The following CSMD1 variants were observed in gnomAD, a reference collection of about 807,000 sequenced individuals.
CSMD1 encodes the protein CUB and sushi domain-containing protein 1.
Under a neutral mutation model 417.5 loss-of-function variants are expected in CSMD1, and 213 were observed. The observed-to-expected ratio is 0.51, with a 90% CI of 0.46 to 0.57. The LOEUF (loss-of-function observed/expected upper bound fraction) is 0.57. Ranked by LOEUF, CSMD1 falls within the 20% of genes least tolerant of loss-of-function variation. The pLI is 0.00. For synonymous variants in CSMD1, 2,862 were observed against 1,736.8 expected (o/e 1.65, Z -16.11); for missense variants, 6,923 against 4,529.7 (o/e 1.53, Z -15.17).
chr8:3,224,108 A>AT (rs1798361078), intron 27 of CSMD1, among the ~76,000 whole-genome samples: 1 of 152,210 alleles, frequency 6.6e-6, no homozygotes, highest in Non-Finnish European at 1.5e-5. Context: ...TTCAAAGAGA[A>AT]TTTTCAAACT....
At position 3,152,464 on chromosome 8, in the gene CSMD1, T is replaced by C. The variant is rs896631925; in HGVS notation, c.5915-951A>G. Reference sequence around the variant, plus strand: ...GCAAAATGTTTTAAACAAAATATTTTCTGGAAGCCCTCTTTTAGAGGCCCC... The same window carrying C: ...GCAAAATGTTTTAAACAAAATATTTCCTGGAAGCCCTCTTTTAGAGGCCCC... On this transcript the variant is annotated intron_variant, in intron 39 of 69. Transcript: ENST00000635120. Among the ~76,000 whole-genome samples, 4 of 152,360 alleles carry C rather than the reference T, an allele frequency of 2.6e-5. No individual in the cohort carries two copies. The Middle Eastern group carries it at 0.01, about 389-fold the overall frequency.
intron 7 of CSMD1, among the ~76,000 whole-genome samples, chr8:3,660,158 G>A (rs1798337428): frequency 6.6e-6 from 1 of 152,198 alleles, no homozygotes; most frequent in African/African-American, 2.4e-5. Context: ...CATTTGTAAT[G>A]AGAGGCTATT....
At chr8:4,024,954 G>C (rs921366846) in intron 4 of CSMD1, among the ~76,000 whole-genome samples, 1 of 152,234 alleles carries the variant, frequency 6.6e-6, no homozygotes, top group Non-Finnish European at 1.5e-5. Flanking sequence ...ATGAATCTTT[G>C]TCTGAAGTAC....
At chr8:4,583,888 G>C (rs1001601015) in intron 2 of CSMD1, among the ~76,000 whole-genome samples, 3 of 151,982 alleles carry the variant, frequency 2.0e-5, no homozygotes, top group Non-Finnish European at 4.4e-5. Context: ...AATAAATCTT[G>C]CTGCTGCTCA....
At chr8:4,651,061 T>C (rs1460497693) in intron 1 of CSMD1, among the ~76,000 whole-genome samples, 2 of 152,158 alleles carry the variant, frequency 1.3e-5, no homozygotes, top group Non-Finnish European at 2.9e-5. Context: ...ATCAAAACTT[T>C]TAGATCTAGT....
At chr8:3,334,775 A>G (rs778858335) in intron 23 of CSMD1, among the ~76,000 whole-genome samples, 12 of 152,214 alleles carry the variant, frequency 7.9e-5, no homozygotes, top group Non-Finnish European at 1.6e-4. Context: ...CAGAGTAAGT[A>G]GAGTGGGACT....
intron 6 of CSMD1, among the ~76,000 whole-genome samples, chr8:3,732,626 C>T (rs927057862): frequency 6.6e-6 from 1 of 152,112 alleles, no homozygotes; most frequent in African/African-American, 2.4e-5. Flanking sequence ...CCTTTAAGAC[C>T]TTTTTGGTTT....
intron 21 of CSMD1, among the ~76,000 whole-genome samples, chr8:3,357,672 G>C (rs1254925735): frequency 1.3e-5 from 2 of 152,102 alleles, no homozygotes; most frequent in South Asian, 2.1e-4. Context: ...ATTTCATTGA[G>C]TTGGGGGTTT....
At chr8:4,408,508 C>G (rs545726506) in intron 3 of CSMD1, among the ~76,000 whole-genome samples, 2 of 152,302 alleles carry the variant, frequency 1.3e-5, no homozygotes, top group Admixed American at 1.3e-4. Flanking sequence ...TTATCTCAAG[C>G]TTCTAAACAA....
intron 1 of CSMD1, among the ~76,000 whole-genome samples, chr8:4,759,137 G>T (rs1811862538): frequency 6.6e-6 from 1 of 152,178 alleles, no homozygotes; most frequent in South Asian, 2.1e-4. Flanking sequence ...GGTGAACTTT[G>T]ACACATTTGT....
chr8:3,831,217 A>C (rs1029491769), intron 5 of CSMD1, among the ~76,000 whole-genome samples: 1 of 152,196 alleles, frequency 6.6e-6, no homozygotes, highest in Non-Finnish European at 1.5e-5. Flanking sequence ...AAGCATGTGG[A>C]AAGTTAAATA....
intron 2 of CSMD1, among the ~76,000 whole-genome samples, chr8:4,554,623 T>G (rs568153549): frequency 6.6e-6 from 1 of 152,352 alleles, no homozygotes; most frequent in South Asian, 2.1e-4. Context: ...GTGTTGATTT[T>G]ACCTTATTGC....
At chr8:3,269,577 G>T (rs1423491518) in intron 26 of CSMD1, among the ~76,000 whole-genome samples, 1 of 152,194 alleles carries the variant, frequency 6.6e-6, no homozygotes, top group Non-Finnish European at 1.5e-5. Flanking sequence ...TATTTACGGA[G>T]AAATCAATCT....
intron 62 of CSMD1, among the ~76,000 whole-genome samples, chr8:2,959,598 A>G (rs1803286085): frequency 6.6e-6 from 1 of 152,104 alleles, no homozygotes; most frequent in Non-Finnish European, 1.5e-5. Context: ...CTGCAAACTG[A>G]TTATCATACA....
At chr8:3,353,557 T>G (rs1808553170) in intron 21 of CSMD1, among the ~76,000 whole-genome samples, 1 of 152,200 alleles carries the variant, frequency 6.6e-6, no homozygotes, top group African/African-American at 2.4e-5. Context: ...CCTGGGGCAG[T>G]ATCCCGTAGG....
chr8:3,450,784 T>G (rs1363552994), intron 12 of CSMD1, among the ~76,000 whole-genome samples: 1 of 152,068 alleles, frequency 6.6e-6, no homozygotes, highest in Admixed American at 6.6e-5. Context: ...TACGTGTGCA[T>G]GTGTCTTTAT....
rs966498901 is a variant in CSMD1 at position 4,804,635 on chromosome 8, G to C, written c.86-167077C>G. Among the ~76,000 whole-genome samples the C allele has an allele frequency of 3.9e-5, 6 of 152,080 alleles. No individual in the cohort carries two copies. In the South Asian group the frequency reaches 8.3e-4, roughly 21 times the overall value. On this transcript the variant is annotated intron_variant, in intron 1 of 69. Transcript: ENST00000635120. ...AGACAGGGGATATAAAAGGCAGAGA[G>C]AGATAATATTACAAAGAATTTTTAC...
Position 4,028,183 on chromosome 8 carries a change from C to T in CSMD1, c.610+3722G>A, listed in dbSNP as rs745663178. 9.2e-5 allele frequency among the ~76,000 whole-genome samples: 14 copies of T among 152,228 alleles called. No individual in the cohort carries two copies. In the East Asian group the frequency reaches 1.9e-3, roughly 21 times the overall value. Reference sequence around the variant, plus strand: ...AAATAATGGGCATCTAGAGTAGGAACTAGTCATCATATGAATTTCTCTAGG... The same window carrying T: ...AAATAATGGGCATCTAGAGTAGGAATTAGTCATCATATGAATTTCTCTAGG... On this transcript the variant is annotated intron_variant, in intron 4 of 69. Transcript: ENST00000635120.
At chr8:4,935,950 C>G (rs1032413491) in intron 1 of CSMD1, among the ~76,000 whole-genome samples, 1 of 152,208 alleles carries the variant, frequency 6.6e-6, no homozygotes, top group African/African-American at 2.4e-5. Context: ...ACAGTTAGTA[C>G]TTACACTGCC....
Sources: allele counts gnomAD v4.1 joint callset (sites outside exome capture counted in the v4.1 genomes callset), GRCh38; gene constraint gnomAD v4.1.1; transcripts MANE v1.5; gene names NCBI Gene and HGNC (gene_info 2026-07-23, HGNC 2026-07-21).